Variants in HS2ST1 observed in about 807,000 individuals in gnomAD.
The protein encoded by HS2ST1 is 2-O-sulfotransferase.
Under a neutral mutation model 42.9 loss-of-function variants are expected in HS2ST1, and 18 were observed. The ratio of observed to expected loss-of-function variants is 0.42; its 90% CI spans 0.29 to 0.62. The LOEUF is 0.62. HS2ST1 is among the 20% of genes least tolerant of loss of function. The probability of loss-of-function intolerance (pLI) is 0.21; values close to 1 mark genes in which losing one functional copy is unlikely to be tolerated. For synonymous variants in HS2ST1, 146 were observed against 152.9 expected (o/e 0.95, Z 0.33); for missense variants, 334 against 433.8 (o/e 0.77, Z 2.04).
At chr1:86,969,093 G>GTTACTTTTCATACTTAATACT (rs1553133776) in intron 1 of HS2ST1, among the ~76,000 whole-genome samples, 1 of 152,120 alleles carries the variant, frequency 6.6e-6, no homozygotes, top group Admixed American at 6.5e-5. Flanking sequence ...AATATAAAGT[G>GTTACTTTTCATACTTAATACT]TTACTTTTCA....
At chr1:86,973,582 A>G (rs571940760) in intron 1 of HS2ST1, among the ~76,000 whole-genome samples, 10 of 152,310 alleles carry the variant, frequency 6.6e-5, no homozygotes, top group Admixed American at 2.0e-4. Flanking sequence ...CTAGTCTACA[A>G]TGCCAGTACA....
intron 1 of HS2ST1, among the ~76,000 whole-genome samples, chr1:87,031,448 CAG>C (rs34367810): frequency 0.74 from 111,691 of 151,862 alleles, 42,633 homozygotes; most frequent in East Asian, 0.97. Context: ...TCATTCTACT[CAG>C]AGTGTGGTCC....
intron 1 of HS2ST1, among the ~76,000 whole-genome samples, chr1:86,963,879 G>T (rs894822116): frequency 2.7e-5 from 4 of 150,028 alleles, no homozygotes; most frequent in African/African-American, 9.7e-5. Flanking sequence ...GGCCGGGCGG[G>T]GCGGCTGGCC....
At chr1:86,917,312 A>T (rs1660183113) in intron 1 of HS2ST1, among the ~76,000 whole-genome samples, 1 of 152,218 alleles carries the variant, frequency 6.6e-6, no homozygotes, top group Non-Finnish European at 1.5e-5. Flanking sequence ...TGAGGTCAGG[A>T]GTTCGAGACC....
rs925521477 is a variant in HS2ST1 at position 87,109,447 on chromosome 1, G to GA, written c.*4758dup. 1.1e-4 allele frequency: 16 copies of GA among 151,210 alleles called. No homozygotes were observed. The highest frequency in any genetic ancestry group is 1.5e-4 in the Non-Finnish European group (10 of 67,766). 9.4% of individuals were successfully genotyped at this position (151,210 alleles called of 1,614,324 possible). ...TTACAAAATATATACTTAATTAGAA[G>GA]AAAAAAATAGAGAAAGGGCTATTAG... On this transcript the variant is annotated 3_prime_UTR_variant, in exon 7 of 7. Coordinates refer to ENST00000370550, the MANE Select transcript of HS2ST1 (RefSeq NM_012262.4).
At chr1:86,968,253 G>T (rs1184331365) in intron 1 of HS2ST1, among the ~76,000 whole-genome samples, 2 of 152,094 alleles carry the variant, frequency 1.3e-5, no homozygotes, top group African/African-American at 4.8e-5. Flanking sequence ...ACATTCTGAT[G>T]ATTATTTGTT....
At chr1:86,949,435 A>AT (rs1302349130) in intron 1 of HS2ST1, among the ~76,000 whole-genome samples, 1 of 151,980 alleles carries the variant, frequency 6.6e-6, no homozygotes, top group Non-Finnish European at 1.5e-5. Context: ...AATTTTTTAT[A>AT]TTTTTTGGCC....
chr1:86,966,448 A>C (rs1465573900), intron 1 of HS2ST1, among the ~76,000 whole-genome samples: 1 of 152,184 alleles, frequency 6.6e-6, no homozygotes, highest in African/African-American at 2.4e-5. Context: ...GGAGTCTCTA[A>C]TTTTATGGAA....
intron 1 of HS2ST1, among the ~76,000 whole-genome samples, chr1:87,004,620 A>AT (rs1432778025): frequency 6.6e-6 from 1 of 152,144 alleles, no homozygotes; most frequent in Non-Finnish European, 1.5e-5. Flanking sequence ...ACAAAGTAAA[A>AT]TTTTTTGTGC....
intron 1 of HS2ST1, among the ~76,000 whole-genome samples, chr1:86,958,683 C>G (rs748994287): frequency 3.3e-5 from 5 of 152,188 alleles, no homozygotes; most frequent in Non-Finnish European, 5.9e-5. Flanking sequence ...TACCAGTTCT[C>G]TACAGTCTCT....
chr1:87,020,131 A>G (rs1398584513), intron 1 of HS2ST1, among the ~76,000 whole-genome samples: 2 of 152,198 alleles, frequency 1.3e-5, no homozygotes, highest in African/African-American at 2.4e-5. Flanking sequence ...AATTTTTGCT[A>G]AATTATATTT....
intron 1 of HS2ST1, among the ~76,000 whole-genome samples, chr1:87,027,986 G>T (rs1337193096): frequency 6.6e-6 from 1 of 152,166 alleles, no homozygotes; most frequent in Non-Finnish European, 1.5e-5. Context: ...CACCACGCCC[G>T]GCTGGGACAT....
intron 2 of HS2ST1, among the ~76,000 whole-genome samples, chr1:87,076,280 T>C (rs1258426804): frequency 6.6e-6 from 1 of 152,186 alleles, no homozygotes; most frequent in Non-Finnish European, 1.5e-5. Context: ...AGATCCTTGA[T>C]CAAAAATGAT....
chr1:87,021,289 A>G (rs978042633), intron 1 of HS2ST1, among the ~76,000 whole-genome samples: 4 of 152,076 alleles, frequency 2.6e-5, no homozygotes, highest in Non-Finnish European at 5.9e-5. Flanking sequence ...CGCAGTTTAG[A>G]CCTTGTTCAG....
chr1:87,018,742 T>C (rs1043593028), intron 1 of HS2ST1, among the ~76,000 whole-genome samples: 5 of 152,224 alleles, frequency 3.3e-5, no homozygotes, highest in Admixed American at 6.5e-5. Flanking sequence ...TATTCTTTCT[T>C]GGCCATTCCG....
intron 3 of HS2ST1, among the ~76,000 whole-genome samples, chr1:87,091,078 C>T (rs1024309430): frequency 2.0e-5 from 3 of 151,878 alleles, no homozygotes; most frequent in Admixed American, 2.0e-4. Context: ...TTGTTTATTG[C>T]CTATCTGTCC....
At chr1:87,001,383 A>G (rs1013513577) in intron 1 of HS2ST1, among the ~76,000 whole-genome samples, 6 of 152,210 alleles carry the variant, frequency 3.9e-5, no homozygotes, top group African/African-American at 1.4e-4. Flanking sequence ...GTTGTTTTCC[A>G]AATTTTCCTT....
chr1:86,948,732 T>G (rs1169571655), intron 1 of HS2ST1, among the ~76,000 whole-genome samples: 2 of 152,236 alleles, frequency 1.3e-5, no homozygotes, highest in Non-Finnish European at 2.9e-5. Context: ...CATTAACTAT[T>G]GGTTCCCTCT....
chr1:86,952,197 CTGTCCGTGGCAGCT>C lies in HS2ST1; in HGVS notation c.124+37038_124+37051del, dbSNP rs1300814428. On this transcript the variant is annotated intron_variant, in intron 1 of 6. Coordinates refer to ENST00000370550, the MANE Select transcript of HS2ST1 (RefSeq NM_012262.4). ...TTACTTTGCCCAGATAGAGGAATCACTGTCCGTGGCAGCTATAGCCTTACAAAATGTTTTTCTTA... is the reference window on the plus strand; with the variant it reads ...TTACTTTGCCCAGATAGAGGAATCACATAGCCTTACAAAATGTTTTTCTTA... Among the ~76,000 whole-genome samples, 15 of 152,324 alleles carry C rather than the reference CTGTCCGTGGCAGCT, an allele frequency of 9.8e-5. No individual in the cohort carries two copies. In the East Asian group the frequency reaches 2.9e-3, roughly 29 times the overall value.
Sources: gnomAD v4.1 joint callset for allele counts (sites outside exome capture counted in the v4.1 genomes callset) on GRCh38, gnomAD v4.1.1 for gene constraint, MANE v1.5 for transcripts, NCBI Gene and HGNC (gene_info 2026-07-23, HGNC 2026-07-21) for gene names.